The following EFCAB12 variants were observed in gnomAD, a reference collection of about 807,000 sequenced individuals.
EFCAB12 encodes EF-hand calcium-binding domain-containing protein 12.
Under a neutral mutation model 53.6 loss-of-function variants are expected in EFCAB12, and 43 were observed. The ratio of observed to expected loss-of-function variants is 0.80; its 90% CI spans 0.63 to 1.03. The LOEUF is 1.03. Among genes scored for constraint, EFCAB12 ranks in the 50% least tolerant of loss-of-function variants. The probability of loss-of-function intolerance (pLI) is 0.00; values close to 1 mark genes in which losing one functional copy is unlikely to be tolerated. For synonymous variants in EFCAB12, 269 were observed against 289.2 expected, an observed-to-expected ratio of 0.93 and a Z score of 0.71; for missense variants, 646 against 730.6, an observed-to-expected ratio of 0.88 and a Z score of 1.34.
Position 129,401,556 on chromosome 3 carries a change from G to A in EFCAB12, c.*37C>T, listed in dbSNP as rs1485066553. ...GGGCCGCTGGCTGCACTGGCCCCTG[G>A]CCCAGGAAGGCTGGGTCCGGCAACA... is the stretch of plus-strand genomic sequence containing the variant. On this transcript the variant is annotated 3_prime_UTR_variant, in exon 9 of 9. Coordinates refer to ENST00000505956, the MANE Select transcript of EFCAB12 (RefSeq NM_207307.3). 1.3e-6 allele frequency: 2 copies of A among 1,486,270 alleles called. No individual in the cohort carries two copies. Among genetic ancestry groups the A allele is most frequent in the Non-Finnish European group, 1.8e-6 (2 of 1,109,968 alleles). 92.1% of individuals were successfully genotyped at this position (1,486,270 alleles called of 1,614,324 possible).
intron 1 of EFCAB12, among the ~76,000 whole-genome samples, chr3:129,423,898 T>C (rs4273365): frequency 0.28 from 41,922 of 151,886 alleles, 7,963 homozygotes; most frequent in African/African-American, 0.51. Flanking sequence ...GTTTCCTCCC[T>C]GTGACATGCT....
At chr3:129,414,008 A>G (rs1577045203) in intron 4 of EFCAB12, 1 of 152,262 alleles carries the variant, frequency 6.6e-6, no homozygotes, top group African/African-American at 2.4e-5. Context: ...TTGGTAATTT[A>G]TAACAAAAAG....
intron 1 of EFCAB12, 86 bp from the exon 2 acceptor site, chr3:129,421,889 T>TG: frequency 1.5e-6 from 2 of 1,342,988 alleles, no homozygotes; most frequent in Non-Finnish European, 2.0e-6. Flanking sequence ...TGCTCCAGGC[T>TG]GGGCAACAGG....
chr3:129,416,167 C>T (rs1463764971), intron 3 of EFCAB12, among the ~76,000 whole-genome samples: 2 of 151,564 alleles, frequency 1.3e-5, no homozygotes, highest in Admixed American at 1.3e-4. Flanking sequence ...GTTTGTAAAC[C>T]CAGCACTTTA....
Position 129,401,500 on chromosome 3 carries a change from C to T in EFCAB12, c.*93G>A. ...CTTTGAAAGGATTTCTTTAGTTTGA[C>T]TCTTTGACACTCCTCTTGTGTCTGG... On this transcript the variant is annotated 3_prime_UTR_variant, in exon 9 of 9. Transcript: ENST00000505956. 7.0e-7 allele frequency: 1 copy of T among 1,431,646 alleles called. No individual in the cohort carries two copies. The highest frequency in any genetic ancestry group is 1.5e-5 in the South Asian group (1 of 66,236). 88.7% of individuals were successfully genotyped at this position (1,431,646 alleles called of 1,614,324 possible). A position where few individuals can be genotyped will look rare whatever the true frequency, so the allele number is the denominator to read the frequency against.
chr3:129,401,428 C>T lies in EFCAB12; in HGVS notation c.*165G>A. On this transcript the variant is annotated 3_prime_UTR_variant, in exon 9 of 9. Transcript: ENST00000505956. ...CCTTGGACACATCTACCCTCTGAGA[C>T]ACTGGACACTTTGAGTCCAGAGGGA... The T allele has an allele frequency of 1.1e-6, 1 of 949,474 alleles. No individual in the cohort carries two copies. The highest frequency in any genetic ancestry group is 1.5e-6 in the Non-Finnish European group (1 of 660,384). 58.8% of individuals were successfully genotyped at this position (949,474 alleles called of 1,614,324 possible).
chr3:129,419,947 GA>G (rs2072168605), intron 2 of EFCAB12, among the ~76,000 whole-genome samples: 2 of 152,186 alleles, frequency 1.3e-5, no homozygotes, highest in African/African-American at 4.8e-5. Flanking sequence ...ATGATCCTAT[GA>G]ATTAGGTATG....
chr3:129,418,493 G>C, intron 2 of EFCAB12, 45 bp from the exon 3 acceptor site: 1 of 1,523,878 alleles, frequency 6.6e-7, no homozygotes, highest in South Asian at 1.3e-5. Context: ...GTTCAAAGGA[G>C]ACAGGCCAGG....
At position 129,411,182 on chromosome 3, in the gene EFCAB12, G is replaced by A. The variant is rs1180482762; in HGVS notation, c.1011C>T (p.Tyr337=). The part of the protein sequence containing the change: ...LEEMEEVGKR[Y]RERQRQHKLT... ...CCTTGTGCTGTCGCTGCCGCTCGCGGTACCGCTTGCCCACTTCCTCCATCT... is the reference window on the plus strand; with the variant it reads ...CCTTGTGCTGTCGCTGCCGCTCGCGATACCGCTTGCCCACTTCCTCCATCT... The change falls in exon 5 of 9, where the codon TAC becomes TAT. Residue 337 remains tyrosine, a synonymous_variant. Coordinates refer to ENST00000505956, the MANE Select transcript of EFCAB12 (RefSeq NM_207307.3). The A allele has an allele frequency of 1.2e-6, 2 of 1,606,056 alleles. No homozygotes were observed. The highest frequency in any genetic ancestry group is 2.2e-5 in the East Asian group (1 of 44,660).
intron 2 of EFCAB12, among the ~76,000 whole-genome samples, chr3:129,421,034 C>T (rs775771353): frequency 1.3e-5 from 2 of 152,262 alleles, no homozygotes; most frequent in Non-Finnish European, 2.9e-5. Context: ...CCTTTTGCCC[C>T]AGTCAAGCCT....
At position 129,401,593 on chromosome 3, in the gene EFCAB12, C is replaced by CTTGATG; in HGVS notation, c.1718_1719insCATCAA (p.Ter573delinsTyrIleLys). On this transcript the variant is annotated stop_lost, in exon 9 of 9. Coordinates refer to ENST00000505956, the MANE Select transcript of EFCAB12 (RefSeq NM_207307.3). ...TGGGTCCGGCAACACCTGGCTAGCT[C>CTTGATG]TAGTTGATGTAGTACACCTTGGCGG... 1 of 1,535,310 alleles carries CTTGATG rather than the reference C, an allele frequency of 6.5e-7. No individual in the cohort carries two copies. The highest frequency in any genetic ancestry group is 1.2e-5 in the South Asian group (1 of 82,296).
chr3:129,406,388 C>T (rs7647218), intron 6 of EFCAB12, among the ~76,000 whole-genome samples: 2 of 152,132 alleles, frequency 1.3e-5, no homozygotes, highest in African/African-American at 4.8e-5. Flanking sequence ...TGACCACATT[C>T]CCCTGTATAC....
At chr3:129,402,686 A>G (rs1035185156) in intron 7 of EFCAB12, 107 bp from the exon 8 acceptor site, 4 of 1,072,842 alleles carry the variant, frequency 3.7e-6, no homozygotes, top group Non-Finnish European at 5.3e-6. Flanking sequence ...CTAAGTCTCA[A>G]ACGAGAGCTC....
At chr3:129,428,371 C>T in intron 1 of EFCAB12, 69 bp downstream of exon 1, 2 of 1,555,104 alleles carry the variant, frequency 1.3e-6, no homozygotes, top group Non-Finnish European at 1.7e-6. Flanking sequence ...GAGTTTTTGC[C>T]CTCACCCCAC....
intron 6 of EFCAB12, among the ~76,000 whole-genome samples, chr3:129,408,301 G>A (rs1359216128): frequency 2.6e-5 from 4 of 152,140 alleles, no homozygotes; most frequent in African/African-American, 9.7e-5. Flanking sequence ...CTTCCTTTAT[G>A]TTCAACCTCA....
intron 2 of EFCAB12, 115 bp from the exon 3 acceptor site, chr3:129,418,563 T>C: frequency 2.0e-6 from 2 of 978,914 alleles, no homozygotes; most frequent in Non-Finnish European, 2.9e-6. Flanking sequence ...AATAGCAGGA[T>C]AGAGTACAAA....
chr3:129,413,052 C>T (rs900752098), intron 4 of EFCAB12: 2 of 152,164 alleles, frequency 1.3e-5, no homozygotes, highest in African/African-American at 2.4e-5. Flanking sequence ...GCTTCCTCCT[C>T]GTAAAGCAGG....
At chr3:129,415,743 G>A (rs188168041) in intron 3 of EFCAB12, among the ~76,000 whole-genome samples, 1 of 152,232 alleles carries the variant, frequency 6.6e-6, no homozygotes, top group East Asian at 1.9e-4. Context: ...CTCAATGGCA[G>A]CATCTACCAT....
chr3:129,424,362 G>A (rs974284269), intron 1 of EFCAB12, among the ~76,000 whole-genome samples: 9 of 152,204 alleles, frequency 5.9e-5, no homozygotes, highest in Non-Finnish European at 1.2e-4. Flanking sequence ...GATCATGGGA[G>A]AGGACGTCCC....
Sources: allele counts gnomAD v4.1 joint callset (sites outside exome capture counted in the v4.1 genomes callset), GRCh38; gene constraint gnomAD v4.1.1; transcripts MANE v1.5; gene names NCBI Gene and HGNC (gene_info 2026-07-23, HGNC 2026-07-21).